The following ABHD5 variants were observed in gnomAD, a reference collection of about 807,000 sequenced individuals.
The protein encoded by ABHD5 is 1-acylglycerol-3-phosphate O-acyltransferase ABHD5.
A neutral mutation model predicts 44.9 loss-of-function variants in ABHD5; 30 were observed. The observed-to-expected ratio is 0.67, with a 90% CI of 0.50 to 0.91. The LOEUF (loss-of-function observed/expected upper bound fraction) is 0.91, where lower values mean the gene tolerates loss of function less well. Among genes scored for constraint, ABHD5 ranks in the 40% least tolerant of loss-of-function variants. The pLI is 0.00. For missense variants in ABHD5, 399 were observed against 423.4 expected (o/e 0.94, Z 0.50); for synonymous variants, 167 against 147.0 (o/e 1.14, Z -0.99).
intron 3 of ABHD5, among the ~76,000 whole-genome samples, chr3:43,709,964 A>G (rs2084666878): frequency 6.6e-6 from 1 of 152,150 alleles, no homozygotes; most frequent in South Asian, 2.1e-4. Context: ...AATCACTTGA[A>G]CCTGGGAGGC....
upstream of ABHD5, chr3:43,690,872 T>A (rs912217996): frequency 8.9e-7 from 1 of 1,128,698 alleles, no homozygotes; most frequent in South Asian, 1.9e-5. Context: ...GCCGTGCTAG[T>A]GCGCGGAAGA....
chr3:43,717,963 C>T, intron 6 of ABHD5, 106 bp downstream of exon 6: 1 of 1,439,946 alleles, frequency 6.9e-7, no homozygotes, highest in Non-Finnish European at 9.7e-7. Context: ...TCATCTGAGC[C>T]ATACCTGCAG....
intron 5 of ABHD5, among the ~76,000 whole-genome samples, chr3:43,717,089 T>C (rs1307362482): frequency 6.6e-6 from 1 of 151,874 alleles, no homozygotes; most frequent in Non-Finnish European, 1.5e-5. Context: ...GAGAATTGCT[T>C]GAACCCGGGA....
In ABHD5 at chr3:43,722,287, G is replaced by A. The variant is rs551893817; in HGVS notation, c.*3755G>A. ...CGAACTATTTTTGTAGTTCTGGTCT[G>A]GAGAAATCTCCAGAATATAGGAAAT... On this transcript the variant is annotated 3_prime_UTR_variant, in exon 7 of 7. Transcript: ENST00000644371. 40 of 152,272 alleles carry A rather than the reference G, an allele frequency of 2.6e-4. No individual in the cohort carries two copies. The highest frequency in any genetic ancestry group is 9.4e-4 in the African/African-American group (39 of 41,532). 9.4% of individuals were successfully genotyped at this position (152,272 alleles called of 1,614,324 possible).
At chr3:43,708,362 A>T (rs1285259793) in intron 3 of ABHD5, among the ~76,000 whole-genome samples, 2 of 152,344 alleles carry the variant, frequency 1.3e-5, no homozygotes, top group African/African-American at 4.8e-5. Flanking sequence ...GGTTTAGCTA[A>T]TTATAATAAT....
intron 7 of ABHD5, among the ~76,000 whole-genome samples, chr3:43,728,933 A>G (rs564396496): frequency 1.3e-4 from 20 of 152,286 alleles, no homozygotes; most frequent in African/African-American, 4.1e-4. Context: ...GCTCTTTTTA[A>G]TCTGCTGAGT....
At position 43,717,738 on chromosome 3, in the gene ABHD5, A is replaced by G. The variant is rs554355585; in HGVS notation, c.841A>G (p.Ile281Val). 4.3e-6 allele frequency: 7 copies of G among 1,614,206 alleles called. No individual in the cohort carries two copies. In the African/African-American group the frequency reaches 8.0e-5, roughly 18 times the overall value. ...GGCAAAAAGGCCAATGCTCCAGCGA[A>G]TTGGTAAAATGCACCCTGACATTCC... is the stretch of plus-strand genomic sequence containing the variant. ...GWAKRPMLQR[I>V]GKMHPDIPVS... Residue 281 changes from isoleucine (I) to valine (V), a missense_variant, in exon 6 of 7, where the codon ATT becomes GTT. By Grantham distance (29) the Ile-to-Val change is conservative. Coordinates refer to ENST00000644371, the MANE Select transcript of ABHD5 (RefSeq NM_016006.6).
intron 3 of ABHD5, among the ~76,000 whole-genome samples, chr3:43,704,868 A>G (rs1279019553): frequency 6.6e-6 from 1 of 152,234 alleles, no homozygotes; most frequent in East Asian, 1.9e-4. Flanking sequence ...GTAGCAGTAG[A>G]TGGATATGAG....
At chr3:43,704,324 C>T (rs1406884632) in intron 3 of ABHD5, among the ~76,000 whole-genome samples, 1 of 152,144 alleles carries the variant, frequency 6.6e-6, no homozygotes, top group African/African-American at 2.4e-5. Flanking sequence ...CAGGCATGAG[C>T]CACCGCACCC....
At chr3:43,717,551 G>A (rs1469420189) in intron 5 of ABHD5, 120 bp from the exon 6 acceptor site, 1 of 987,002 alleles carries the variant, frequency 1.0e-6, no homozygotes, top group Admixed American at 1.9e-5. Context: ...TTCTATTTAA[G>A]CTGAGGTTTT....
At chr3:43,729,923 C>G (rs188689102) in intron 7 of ABHD5, among the ~76,000 whole-genome samples, 1 of 152,156 alleles carries the variant, frequency 6.6e-6, no homozygotes, top group Non-Finnish European at 1.5e-5. Context: ...GTTAACTATA[C>G]TGCAAAGTAA....
chr3:43,698,748 C>T (rs959510366), intron 1 of ABHD5, among the ~76,000 whole-genome samples: 6 of 152,212 alleles, frequency 3.9e-5, no homozygotes, highest in African/African-American at 1.4e-4. Flanking sequence ...AGACCAGCCT[C>T]CCACATTTGT....
At chr3:43,696,714 A>G (rs935659603) in intron 1 of ABHD5, among the ~76,000 whole-genome samples, 1 of 152,222 alleles carries the variant, frequency 6.6e-6, no homozygotes, top group African/African-American at 2.4e-5. Context: ...ATAACACTTA[A>G]TCCTGTAGAG....
At chr3:43,700,901 AACTTCTATTCCATAT>A (rs1253862362) in intron 2 of ABHD5, among the ~76,000 whole-genome samples, 1 of 152,178 alleles carries the variant, frequency 6.6e-6, no homozygotes, top group Non-Finnish European at 1.5e-5. Flanking sequence ...CATGATAATG[AACTTCTATTCCATAT>A]ACTTGGGTAA....
downstream of ABHD5, among the ~76,000 whole-genome samples, chr3:43,723,533 T>C (rs1402305119): frequency 6.6e-6 from 1 of 152,222 alleles, no homozygotes; most frequent in Non-Finnish European, 1.5e-5. Context: ...GAGACATGCT[T>C]CTGTTGTGTT....
intron 7 of ABHD5, among the ~76,000 whole-genome samples, chr3:43,730,527 A>G (rs528732713): frequency 6.5e-5 from 6 of 91,630 alleles, no homozygotes; most frequent in Admixed American, 1.6e-4. Flanking sequence ...TTTTTTTGAG[A>G]CGGGATCTTC....
At position 43,728,568 on chromosome 3, in the gene ABHD5, A is replaced by G. The variant is rs114694623; in HGVS notation, c.*30-5312A>G. 2.8e-3 allele frequency among the ~76,000 whole-genome samples: 420 copies of G among 152,320 alleles called. 2 individuals are homozygous for G. The highest frequency in any genetic ancestry group is 4.8e-3 in the Admixed American group (74 of 15,300). ...ATTTGGAAATAATGAGATGACACCA[A>G]TCAGGGCTTATTTACTACCCAGAGA... On this transcript the variant is annotated intron_variant, in intron 7 of 7. Coordinates refer to the ABHD5 transcript ENST00000454293.
intron 4 of ABHD5, among the ~76,000 whole-genome samples, chr3:43,712,814 A>G (rs1215645649): frequency 2.0e-5 from 3 of 152,252 alleles, no homozygotes; most frequent in South Asian, 4.2e-4. Context: ...GCAAAAAGAA[A>G]TAAAAGCACG....
At chr3:43,727,170 C>G (rs1008214990), downstream of ABHD5, among the ~76,000 whole-genome samples, 7 of 152,170 alleles carry the variant, frequency 4.6e-5, no homozygotes, top group African/African-American at 1.7e-4. Context: ...CTCTCCCCAC[C>G]TTGGAACCCT....
Sources: gnomAD v4.1 joint callset for allele counts (sites outside exome capture counted in the v4.1 genomes callset) on GRCh38, gnomAD v4.1.1 for gene constraint, MANE v1.5 for transcripts, NCBI Gene and HGNC (gene_info 2026-07-23, HGNC 2026-07-21) for gene names.